BMP5: variants seen among roughly 807,000 people sequenced by gnomAD.
BMP5 encodes the protein bone morphogenetic protein 5.
A neutral mutation model predicts 46.6 loss-of-function variants in BMP5; 23 were observed. That is an observed-to-expected ratio of 0.49 (90% CI 0.35 to 0.70). The LOEUF (loss-of-function observed/expected upper bound fraction) is 0.70, where lower values mean the gene tolerates loss of function less well. Among genes scored for constraint, BMP5 ranks in the 30% least tolerant of loss-of-function variants. The pLI is 0.00. For synonymous variants in BMP5, 204 were observed against 191.9 expected (o/e 1.06, Z -0.52); for missense variants, 545 against 565.6 (o/e 0.96, Z 0.37).
chr6:55,854,268 A>C (rs1777331459), intron 1 of BMP5, among the ~76,000 whole-genome samples: 1 of 152,130 alleles, frequency 6.6e-6, no homozygotes, highest in Non-Finnish European at 1.5e-5. Flanking sequence ...ACATCCTGAT[A>C]CTAAACAAAA....
chr6:55,755,750 G>T (rs1774576862), intron 6 of BMP5, 68 bp from the exon 7 acceptor site: 1 of 1,453,064 alleles, frequency 6.9e-7, no homozygotes, highest in Non-Finnish European at 9.6e-7. Context: ...TTTTAAAATG[G>T]TATGATTATT....
At chr6:55,788,144 A>T (rs1245323702) in intron 3 of BMP5, among the ~76,000 whole-genome samples, 1 of 151,696 alleles carries the variant, frequency 6.6e-6, no homozygotes, top group Non-Finnish European at 1.5e-5. Context: ...ATTTGTCCTG[A>T]GGCATTTTAA....
intron 6 of BMP5, among the ~76,000 whole-genome samples, chr6:55,756,367 G>C (rs1422189329): frequency 6.6e-6 from 1 of 151,804 alleles, no homozygotes; most frequent in African/African-American, 2.4e-5. Flanking sequence ...AAAGGGCCTA[G>C]AGACTTTACA....
chr6:55,759,370 CCTCT>C (rs994737053), intron 5 of BMP5, among the ~76,000 whole-genome samples: 3 of 151,492 alleles, frequency 2.0e-5, no homozygotes, highest in African/African-American at 4.8e-5. Flanking sequence ...AAGAAATTGT[CCTCT>C]CTAATTACTC....
rs780291802 is a variant in BMP5, at chr6:55,874,459, G to T, written c.407C>A (p.Thr136Asn). The change falls in exon 1 of 7, where the codon ACC becomes AAC. Residue 136 changes from threonine (T) to asparagine (N), a missense_variant. Transcript: ENST00000370830. ...RIQLSRTTPL[T>N]TQSPPLASLH... ...GCTGGCTAGAGGAGGACTCTGGGTG[G>T]TCAGAGGAGTCGTCCGAGATAACTG... 3.7e-6 allele frequency: 6 copies of T among 1,613,330 alleles called. No individual in the cohort carries two copies. Among genetic ancestry groups the T allele is most frequent in the Middle Eastern group, 1.7e-4 (1 of 6,056 alleles).
At chr6:55,847,991 C>T (rs893426028) in intron 1 of BMP5, among the ~76,000 whole-genome samples, 1 of 151,820 alleles carries the variant, frequency 6.6e-6, no homozygotes, top group Non-Finnish European at 1.5e-5. Flanking sequence ...TTAATTTGTA[C>T]AGTTAATCTT....
At chr6:55,793,026 A>C (rs1468559608) in intron 3 of BMP5, among the ~76,000 whole-genome samples, 2 of 152,070 alleles carry the variant, frequency 1.3e-5, no homozygotes, top group Non-Finnish European at 2.9e-5. Context: ...ATAAATATTT[A>C]AAATTAAATA....
At chr6:55,811,994 G>A (rs970501966) in intron 2 of BMP5, among the ~76,000 whole-genome samples, 3 of 152,036 alleles carry the variant, frequency 2.0e-5, no homozygotes, top group Admixed American at 2.0e-4. Flanking sequence ...CTATTTACTC[G>A]GCCTTATGTC....
chr6:55,868,437 T>C (rs1777700763), intron 1 of BMP5, among the ~76,000 whole-genome samples: 1 of 152,190 alleles, frequency 6.6e-6, no homozygotes, highest in Non-Finnish European at 1.5e-5. Context: ...CTAAGAGTTA[T>C]GTAATATGTA....
At position 55,832,342 on chromosome 6, in the gene BMP5, T is replaced by C. The variant is rs1776685944; in HGVS notation, c.491-12495A>G. 2.0e-5 allele frequency among the ~76,000 whole-genome samples: 3 copies of C among 152,190 alleles called. No individual in the cohort carries two copies. In the South Asian group the frequency reaches 6.2e-4, roughly 31 times the overall value. ...CTCACCTCCCCTCACCATGTTTCAG[T>C]TGGCTGGACTGTACTTGGGCTTGCC... On this transcript the variant is annotated intron_variant, in intron 1 of 6. Transcript: ENST00000370830.
intron 3 of BMP5, among the ~76,000 whole-genome samples, chr6:55,778,230 G>A (rs1379722974): frequency 2.6e-5 from 4 of 151,970 alleles, no homozygotes; most frequent in Non-Finnish European, 4.4e-5. Context: ...GTAGGGATGT[G>A]ATCTGCTAAA....
chr6:55,847,485 A>G (rs1777125504), intron 1 of BMP5, among the ~76,000 whole-genome samples: 1 of 151,984 alleles, frequency 6.6e-6, no homozygotes, highest in Non-Finnish European at 1.5e-5. Context: ...ACGGCCTTAA[A>G]GGTAGACTGA....
chr6:55,822,731 T>C (rs1776438751), intron 1 of BMP5, among the ~76,000 whole-genome samples: 1 of 152,086 alleles, frequency 6.6e-6, no homozygotes. Context: ...GAATCCCCTG[T>C]GAGATGTTAG....
intron 1 of BMP5, among the ~76,000 whole-genome samples, chr6:55,829,795 C>T (rs769656067): frequency 2.6e-5 from 4 of 151,792 alleles, no homozygotes; most frequent in Admixed American, 6.6e-5. Flanking sequence ...TGTGAAACAC[C>T]ATATGTGATG....
At chr6:55,783,333 A>G (rs111685683) in intron 3 of BMP5, among the ~76,000 whole-genome samples, 170 of 152,120 alleles carry the variant, frequency 1.1e-3, no homozygotes, top group Non-Finnish European at 1.8e-3. Flanking sequence ...GCCACTTCCA[A>G]TATATACTAC....
intron 2 of BMP5, among the ~76,000 whole-genome samples, 191 bp downstream of exon 2, chr6:55,819,464 C>A (rs183186354): frequency 6.6e-6 from 1 of 152,184 alleles, no homozygotes; most frequent in Admixed American, 6.5e-5. Context: ...GAGTAGGGAG[C>A]AGCTCTGGAA....
chr6:55,842,620 T>G (rs1776988945), intron 1 of BMP5, among the ~76,000 whole-genome samples: 2 of 152,106 alleles, frequency 1.3e-5, no homozygotes, highest in Non-Finnish European at 2.9e-5. Context: ...TTTCACCTTC[T>G]TGCATTACGC....
In BMP5 at chr6:55,787,453, C is replaced by T. The variant is rs113984029; in HGVS notation, c.832+6826G>A. Among the ~76,000 whole-genome samples the T allele has an allele frequency of 1.1e-3, 170 of 151,660 alleles. 1 individual carries two copies. The highest frequency in any genetic ancestry group is 3.3e-3 in the African/African-American group (137 of 41,474). ...ATATATGTTTCTAATTAGGAATATA[C>T]TGCAATTCAAAAGATGTGGCAATTT... On this transcript the variant is annotated intron_variant, in intron 3 of 6. Coordinates refer to ENST00000370830, the MANE Select transcript of BMP5 (RefSeq NM_021073.4).
intron 1 of BMP5, among the ~76,000 whole-genome samples, chr6:55,838,101 A>C (rs1330342847): frequency 1.3e-5 from 2 of 152,204 alleles, no homozygotes; most frequent in African/African-American, 4.8e-5. Context: ...AGCTATTGTA[A>C]ACAGTGCTTT....
Sources: allele counts gnomAD v4.1 joint callset (sites outside exome capture counted in the v4.1 genomes callset), GRCh38; gene constraint gnomAD v4.1.1; transcripts MANE v1.5; gene names NCBI Gene and HGNC (gene_info 2026-07-23, HGNC 2026-07-21).